BAZ2B: variants seen among roughly 807,000 people sequenced by gnomAD.
The protein encoded by BAZ2B is bromodomain adjacent to zinc finger domain 2B.
BAZ2B carries 91 observed loss-of-function variants against 246.0 expected under a neutral mutation model. The ratio of observed to expected loss-of-function variants is 0.37; its 90% CI spans 0.31 to 0.44. BAZ2B has a LOEUF of 0.44. BAZ2B is among the 20% of genes least tolerant of loss of function. The probability of loss-of-function intolerance (pLI) is 1.00; values close to 1 mark genes in which losing one functional copy is unlikely to be tolerated. For missense variants in BAZ2B, 2,332 were observed against 2,533.7 expected, an observed-to-expected ratio of 0.92 and a Z score of 1.71; for synonymous variants, 855 against 860.0, an observed-to-expected ratio of 0.99 and a Z score of 0.10.
intron 2 of BAZ2B, among the ~76,000 whole-genome samples, chr2:159,494,227 C>G (rs912748904): frequency 6.6e-6 from 1 of 152,180 alleles, no homozygotes; most frequent in Admixed American, 6.5e-5. Context: ...AACTTCGGGT[C>G]ATAACCCATT....
intron 10 of BAZ2B, among the ~76,000 whole-genome samples, chr2:159,430,393 T>C: frequency 6.6e-6 from 1 of 152,252 alleles, no homozygotes; most frequent in Non-Finnish European, 1.5e-5. Flanking sequence ...ATACAGTATA[T>C]AACACATACA....
At chr2:159,564,534 C>T (rs1028353585) in intron 1 of BAZ2B, among the ~76,000 whole-genome samples, 4 of 152,040 alleles carry the variant, frequency 2.6e-5, no homozygotes, top group East Asian at 1.9e-4. Flanking sequence ...AAGACTATCA[C>T]GGTAGCCATA....
At chr2:159,474,882 C>T (rs78795084) in intron 3 of BAZ2B, among the ~76,000 whole-genome samples, 1 of 152,042 alleles carries the variant, frequency 6.6e-6, no homozygotes, top group Non-Finnish European at 1.5e-5. Context: ...TGAATATTGG[C>T]CCCCACTCTC....
chr2:159,653,581 T>A, the BAZ2B span, among the ~76,000 whole-genome samples: 1 of 151,886 alleles, frequency 6.6e-6, no homozygotes, highest in South Asian at 2.1e-4. Flanking sequence ...CAACTTGAAA[T>A]TGAATTTTAC....
At chr2:159,538,506 A>G (rs970202646) in intron 2 of BAZ2B, among the ~76,000 whole-genome samples, 5 of 152,164 alleles carry the variant, frequency 3.3e-5, no homozygotes, top group Non-Finnish European at 5.9e-5. Context: ...CATTTTCTCT[A>G]TGGTCATGTT....
At chr2:159,660,468 T>C in the BAZ2B span, among the ~76,000 whole-genome samples, 1 of 152,232 alleles carries the variant, frequency 6.6e-6, no homozygotes, top group African/African-American at 2.4e-5. Flanking sequence ...CTCTTGAGCA[T>C]ATACCTAGTT....
intron 2 of BAZ2B, among the ~76,000 whole-genome samples, chr2:159,491,618 G>A (rs530807646): frequency 3.1e-3 from 455 of 146,094 alleles, no homozygotes; most frequent in Non-Finnish European, 5.4e-3. Flanking sequence ...CTACTTGGGA[G>A]GCTGAGGCAG....
chr2:159,369,369 C>G (rs3771697), intron 27 of BAZ2B, among the ~76,000 whole-genome samples: 10 of 152,124 alleles, frequency 6.6e-5, no homozygotes, highest in East Asian at 3.9e-4. Flanking sequence ...TGTATACAGT[C>G]TTGAATGCCA....
intron 2 of BAZ2B, among the ~76,000 whole-genome samples, chr2:159,529,311 TAA>T (rs1298431951): frequency 4.2e-5 from 6 of 143,056 alleles, no homozygotes; most frequent in Admixed American, 7.0e-5. Context: ...ATCTTCTCTT[TAA>T]AAAAAAAAAA....
intron 1 of BAZ2B, among the ~76,000 whole-genome samples, chr2:159,599,761 C>G (rs1334413521): frequency 1.3e-5 from 2 of 151,494 alleles, no homozygotes; most frequent in Non-Finnish European, 2.9e-5. Context: ...ACGGTGAAAC[C>G]CCATCTCTAC....
At chr2:159,647,134 A>G in the BAZ2B span, among the ~76,000 whole-genome samples, 2,277 of 152,284 alleles carry the variant, frequency 0.015, 27 homozygotes, top group Non-Finnish European at 0.023. Context: ...TCCAAAATCT[A>G]TATTAGTCAG....
At chr2:159,564,084 T>C (rs1307376314) in intron 1 of BAZ2B, among the ~76,000 whole-genome samples, 1 of 152,212 alleles carries the variant, frequency 6.6e-6, no homozygotes, top group Non-Finnish European at 1.5e-5. Flanking sequence ...ATCCTTCTTA[T>C]AGTGATAAGT....
chr2:159,593,875 A>T (rs1411683525), intron 1 of BAZ2B, among the ~76,000 whole-genome samples: 1 of 152,190 alleles, frequency 6.6e-6, no homozygotes, highest in Non-Finnish European at 1.5e-5. Flanking sequence ...GTTTTTTAAA[A>T]AGCCTACATT....
chr2:159,521,206 T>C (rs1030843268), intron 2 of BAZ2B, among the ~76,000 whole-genome samples: 25 of 152,046 alleles, frequency 1.6e-4, no homozygotes, highest in African/African-American at 5.1e-4. Context: ...ATTAAAAAAG[T>C]TATAGGATAA....
At chr2:159,520,172 C>T (rs2083981001) in intron 2 of BAZ2B, among the ~76,000 whole-genome samples, 1 of 152,118 alleles carries the variant, frequency 6.6e-6, no homozygotes, top group Admixed American at 6.5e-5. Context: ...CCAGCCTGAA[C>T]ACTAATAAAA....
chr2:159,380,112 AG>A (rs926649860), intron 25 of BAZ2B, among the ~76,000 whole-genome samples: 4 of 152,154 alleles, frequency 2.6e-5, no homozygotes, highest in African/African-American at 9.7e-5. Flanking sequence ...CAAAATCTTT[AG>A]AACCTTATAC....
intron 3 of BAZ2B, among the ~76,000 whole-genome samples, chr2:159,469,685 C>T (rs976828759): frequency 6.6e-6 from 1 of 152,096 alleles, no homozygotes; most frequent in Non-Finnish European, 1.5e-5. Context: ...AAGTGACCTG[C>T]CTGCCTCGGC....
chr2:159,559,959 C>T (rs1578377932), intron 1 of BAZ2B, among the ~76,000 whole-genome samples: 2 of 152,222 alleles, frequency 1.3e-5, no homozygotes, highest in East Asian at 1.9e-4. Flanking sequence ...CCCCAGAAAA[C>T]ATCTACAAAT....
At chr2:159,334,548 T>G (rs367813577) in intron 33 of BAZ2B, among the ~76,000 whole-genome samples, 4 of 152,202 alleles carry the variant, frequency 2.6e-5, no homozygotes, top group African/African-American at 7.2e-5. Context: ...CTCTAAAGGT[T>G]ATAAGGTGCT....
Sources: allele counts gnomAD v4.1 joint callset (sites outside exome capture counted in the v4.1 genomes callset), GRCh38; gene constraint gnomAD v4.1.1; transcripts MANE v1.5; gene names NCBI Gene and HGNC (gene_info 2026-07-23, HGNC 2026-07-21).